Variants in NEXMIF observed in about 807,000 individuals in gnomAD.
The protein encoded by NEXMIF is XLMR protein related to neurite extension.
Under a neutral mutation model 62.1 loss-of-function variants are expected in NEXMIF, and 8 were observed. That is an observed-to-expected ratio of 0.13 (90% CI 0.08 to 0.23). The LOEUF is 0.23. Among genes scored for constraint, NEXMIF ranks in the 10% least tolerant of loss-of-function variants. The pLI, the probability that NEXMIF is intolerant of heterozygous loss-of-function variation, is 1.00. For synonymous variants in NEXMIF, 404 were observed against 416.6 expected, an observed-to-expected ratio of 0.97 and a Z score of 0.37; for missense variants, 976 against 1,113.3, an observed-to-expected ratio of 0.88 and a Z score of 1.75.
In NEXMIF at chrX:74,803,992, A is replaced by G. The variant is rs188652375; in HGVS notation, c.-47-58295T>C. On this transcript the variant is annotated intron_variant, in intron 1 of 3. Coordinates refer to ENST00000055682, the MANE Select transcript of NEXMIF (RefSeq NM_001008537.3). ...GGTATAAAACTCACTGATAATAGTA[A>G]GTATACAGAAAAAGACAGGATATTA... is the stretch of plus-strand genomic sequence containing the variant. Among the ~76,000 whole-genome samples, 22 of 112,120 alleles carry G rather than the reference A, an allele frequency of 2.0e-4. No homozygotes were observed. The East Asian group carries it at 5.9e-3, about 30-fold the overall frequency.
intron 1 of NEXMIF, among the ~76,000 whole-genome samples, chrX:74,766,666 C>CTTT (rs1433508780): frequency 8.9e-6 from 1 of 112,179 alleles, no homozygotes; most frequent in Admixed American, 9.5e-5. Flanking sequence ...TTGAATTGGG[C>CTTT]TTTGGCATTC....
At chrX:74,798,021 T>C (rs1364558105) in intron 1 of NEXMIF, among the ~76,000 whole-genome samples, 2 of 112,306 alleles carry the variant, frequency 1.8e-5, no homozygotes, top group Non-Finnish European at 3.8e-5. Flanking sequence ...CTTGAATTTC[T>C]ATGGCCAAGA....
intron 1 of NEXMIF, among the ~76,000 whole-genome samples, chrX:74,796,243 T>TACATATATAATATATATATATAC (rs1556024094): frequency 0.042 from 1,538 of 36,976 alleles, 35 homozygotes; most frequent in Middle Eastern, 0.083. Flanking sequence ...TATATATATA[T>TACATATATAATATATATATATAC]ACACATATAT....
rs1229607573 is a variant in NEXMIF, at chrX:74,881,780, T to G, written c.-48+43103A>C. Among the ~76,000 whole-genome samples, 6 of 101,165 alleles carry G rather than the reference T, an allele frequency of 5.9e-5. No individual in the cohort carries two copies. The Admixed American group carries it at 6.6e-4, about 11-fold the overall frequency. The allele number at this position is 101,165 out of a possible 115,157, so 87.8% of individuals were successfully genotyped here. A position where few individuals can be genotyped will look rare whatever the true frequency, so the allele number is the denominator to read the frequency against. On this transcript the variant is annotated intron_variant, in intron 1 of 3. Transcript: ENST00000055682. The stretch of plus-strand genomic sequence containing the variant: ...CCAATCAGCATGTAAATTGCCACAT[T>G]ACAAAAATAGATGCAGAATTAACCA...
chrX:74,892,813 T>C (rs2080721997), intron 1 of NEXMIF, among the ~76,000 whole-genome samples: 4 of 112,102 alleles, frequency 3.6e-5, no homozygotes, highest in Admixed American at 1.9e-4. Context: ...CATAGGAGAA[T>C]TTACCCTAAT....
At chrX:74,772,039 C>A (rs140769999) in intron 1 of NEXMIF, among the ~76,000 whole-genome samples, 2 of 111,949 alleles carry the variant, frequency 1.8e-5, no homozygotes, top group East Asian at 5.6e-4. Context: ...AGCAACTAAG[C>A]AGAACTACAA....
chrX:74,774,287 G>C (rs898128455), intron 1 of NEXMIF, among the ~76,000 whole-genome samples: 3 of 111,211 alleles, frequency 2.7e-5, no homozygotes, highest in African/African-American at 9.8e-5. Context: ...TAAGGACAAG[G>C]GAAGTAATAA....
chrX:74,758,673 T>C (rs1253530463), intron 1 of NEXMIF, among the ~76,000 whole-genome samples: 2 of 111,672 alleles, frequency 1.8e-5, no homozygotes, highest in Non-Finnish European at 3.8e-5. Flanking sequence ...TGGTATTCTG[T>C]TCCTGCACTA....
In NEXMIF at chrX:74,773,887, C is replaced by T. The variant is rs747863259; in HGVS notation, c.-47-28190G>A. Reference sequence around the variant, plus strand: ...TTGCCCCACTGCACTTCAGCCTGGGCGACAGAGTAAGACTCCGTCTCAAAA... The same window carrying T: ...TTGCCCCACTGCACTTCAGCCTGGGTGACAGAGTAAGACTCCGTCTCAAAA... On this transcript the variant is annotated intron_variant, in intron 1 of 3. Coordinates refer to ENST00000055682, the MANE Select transcript of NEXMIF (RefSeq NM_001008537.3). 1.1e-4 allele frequency among the ~76,000 whole-genome samples: 8 copies of T among 72,398 alleles called. No individual in the cohort carries two copies. In the East Asian group the frequency reaches 1.9e-3, roughly 17 times the overall value. The allele number at this position is 72,398 out of a possible 115,157, so 62.9% of individuals were successfully genotyped here. A position where few individuals can be genotyped will look rare whatever the true frequency, so the allele number is the denominator to read the frequency against.
At position 74,742,829 on chromosome X, in the gene NEXMIF, G is replaced by T. The variant is rs768265637; in HGVS notation, c.1728C>A (p.Asn576Lys). ...TTVNLSENQL[N>K]KYAKLAPLKG... ...TCAAGGGTGCCAGCTTGGCATATTTGTTGAGCTGATTCTCACTCAAATTCA... is the reference window on the plus strand; with the variant it reads ...TCAAGGGTGCCAGCTTGGCATATTTTTTGAGCTGATTCTCACTCAAATTCA... Residue 576 changes from asparagine (N) to lysine (K), a missense_variant, in exon 3 of 4, where the codon AAC becomes AAA. Coordinates refer to ENST00000055682, the MANE Select transcript of NEXMIF (RefSeq NM_001008537.3). The T allele has an allele frequency of 5.8e-6, 7 of 1,209,298 alleles. No homozygotes were observed. The Admixed American group carries it at 1.5e-4, about 26-fold the overall frequency.
At chrX:74,836,076 G>C (rs2080455566) in intron 1 of NEXMIF, among the ~76,000 whole-genome samples, 1 of 112,685 alleles carries the variant, frequency 8.9e-6, no homozygotes, top group Non-Finnish European at 1.9e-5. Context: ...TGCCCATGGT[G>C]GGGGAAGGAG....
At chrX:74,779,229 G>GT (rs1209221443) in intron 1 of NEXMIF, among the ~76,000 whole-genome samples, 1 of 112,332 alleles carries the variant, frequency 8.9e-6, no homozygotes, top group Admixed American at 9.4e-5. Context: ...GACTGATTGA[G>GT]TAAGACGTAA....
At chrX:74,883,677 A>G (rs1003370984) in intron 1 of NEXMIF, among the ~76,000 whole-genome samples, 3 of 112,370 alleles carry the variant, frequency 2.7e-5, no homozygotes, top group Non-Finnish European at 5.6e-5. Flanking sequence ...TAATTGGTGT[A>G]TCTGAAAGTG....
intron 1 of NEXMIF, among the ~76,000 whole-genome samples, chrX:74,793,456 G>C (rs749320554): frequency 9.1e-6 from 1 of 109,667 alleles, no homozygotes; most frequent in African/African-American, 3.3e-5. Context: ...TATGTGTCTT[G>C]GAGTTGCTCT....
At chrX:74,750,753 C>T (rs924688087) in intron 1 of NEXMIF, among the ~76,000 whole-genome samples, 2 of 111,154 alleles carry the variant, frequency 1.8e-5, no homozygotes, top group African/African-American at 3.3e-5. Flanking sequence ...GCTAGAAATA[C>T]GGAGGTATGA....
intron 1 of NEXMIF, among the ~76,000 whole-genome samples, chrX:74,908,664 T>A (rs1327640978): frequency 8.9e-6 from 1 of 112,473 alleles, no homozygotes; most frequent in African/African-American, 3.2e-5. Context: ...CATTACTGAA[T>A]TAGGGAGAAA....
Position 74,742,913 on chromosome X carries a change from A to G in NEXMIF, c.1644T>C (p.Phe548=). ...VIIKYIIINR[F]KGEKNMLVKL... is the part of the protein sequence containing the mutation. ...TCACCAGCATGTTCTTCTCACCTTT[A>G]AAGCGATTAATGATGATATATTTGA... Residue 548 remains phenylalanine (F), a synonymous_variant, in exon 3 of 4, where the codon TTT becomes TTC. Transcript: ENST00000055682. 1 of 1,211,043 alleles carries G rather than the reference A, an allele frequency of 8.3e-7. No homozygotes were observed. The highest frequency in any genetic ancestry group is 1.1e-6 in the Non-Finnish European group (1 of 895,220).
chrX:74,855,935 C>T (rs1207372831), intron 1 of NEXMIF, among the ~76,000 whole-genome samples: 2 of 112,028 alleles, frequency 1.8e-5, no homozygotes. Context: ...ACAAAAAGAC[C>T]TGGGGAGATA....
intron 1 of NEXMIF, among the ~76,000 whole-genome samples, chrX:74,836,755 G>T (rs1040639808): frequency 9.0e-6 from 1 of 111,445 alleles, no homozygotes; most frequent in African/African-American, 3.3e-5. Flanking sequence ...CCTGGGGTTG[G>T]GGGGAGGCAT....
Sources: allele counts gnomAD v4.1 joint callset (sites outside exome capture counted in the v4.1 genomes callset), GRCh38; gene constraint gnomAD v4.1.1; transcripts MANE v1.5; gene names NCBI Gene and HGNC (gene_info 2026-07-23, HGNC 2026-07-21).